PITRM1: variants seen among roughly 807,000 people sequenced by gnomAD.
The protein encoded by PITRM1 is presequence protease, mitochondrial.
A neutral mutation model predicts 129.9 loss-of-function variants in PITRM1; 100 were observed. The observed-to-expected ratio is 0.77, with a 90% CI of 0.65 to 0.91. The LOEUF is 0.91. Ranked by LOEUF, PITRM1 falls within the 40% of genes least tolerant of loss-of-function variation. The pLI, the probability that PITRM1 is intolerant of heterozygous loss-of-function variation, is 0.00. For missense variants in PITRM1, 1,471 were observed against 1,318.3 expected, an observed-to-expected ratio of 1.12 and a Z score of -1.79; for synonymous variants, 591 against 508.8, an observed-to-expected ratio of 1.16 and a Z score of -2.17.
intron 23 of PITRM1, chr10:3,141,863 G>A (rs926407431): frequency 3.0e-5 from 7 of 231,612 alleles, no homozygotes; most frequent in African/African-American, 1.2e-4. Context: ...GAAACCCAGC[G>A]CCACTCGGGT....
chr10:3,170,958 C>T (rs374265411), intron 1 of PITRM1, among the ~76,000 whole-genome samples: 143 of 150,706 alleles, frequency 9.5e-4, no homozygotes, highest in African/African-American at 2.6e-3. Context: ...GCAAGACTGT[C>T]GGAAAAAAAA....
At position 3,138,267 on chromosome 10, in the gene PITRM1, G is replaced by C. The variant is rs552902437; in HGVS notation, c.2988C>G (p.Val996=). 5.6e-6 allele frequency: 9 copies of C among 1,613,804 alleles called. No individual in the cohort carries two copies. In the South Asian group the frequency reaches 9.9e-5, roughly 18 times the overall value. ...TCACGGCCAGGAGCTTGTCGTGGCT[G>C]ACAGCAAAGAGCTGCTCTCTGTGGG... ...KQAHREQLFA[V]SHDKLLAVSD... Residue 996 remains valine (V), a synonymous_variant, in exon 26 of 27, where the codon GTC becomes GTG. Transcript: ENST00000224949.
intron 1 of PITRM1, among the ~76,000 whole-genome samples, chr10:3,170,849 G>C (rs551610983): frequency 6.6e-6 from 1 of 152,196 alleles, no homozygotes; most frequent in South Asian, 2.1e-4. Context: ...TGTAGTCCCA[G>C]ATACTTGGGA....
chr10:3,145,696 G>A lies in PITRM1; in HGVS notation c.2357C>T (p.Pro786Leu), dbSNP rs1160985828. 6.4e-6 allele frequency: 10 copies of A among 1,550,624 alleles called. No individual in the cohort carries two copies. The highest frequency in any genetic ancestry group is 4.8e-5 in the South Asian group (4 of 84,086). ...TTTTTCTGTCTGAGGCATCTGCTGA[G>A]GAGTCGCATTCACTGAACACCTGTT... ...DNMRCSVNAT[P>L]QQMPQTEKAV... Residue 786 changes from proline (P) to leucine (L), a missense_variant, in exon 21 of 27, where the codon CCT (proline) becomes CTT (leucine). Physicochemically the swap from Pro to Leu is moderately conservative, Grantham distance 98. Coordinates refer to ENST00000224949, the MANE Select transcript of PITRM1 (RefSeq NM_014889.4).
intron 9 of PITRM1, 25 bp downstream of exon 9, chr10:3,159,823 A>G: frequency 7.2e-7 from 1 of 1,387,688 alleles, no homozygotes; most frequent in East Asian, 2.3e-5. Context: ...TTTGTCTTGT[A>G]TGAGCTTTGA....
intron 4 of PITRM1, among the ~76,000 whole-genome samples, chr10:3,165,853 C>T (rs1312304779): frequency 1.3e-5 from 2 of 152,190 alleles, no homozygotes; most frequent in African/African-American, 2.4e-5. Context: ...GGATTTAACC[C>T]GCTCTTCAAT....
intron 21 of PITRM1, chr10:3,145,253 G>A: frequency 4.0e-6 from 1 of 250,482 alleles, no homozygotes. Context: ...ATGGATTCAT[G>A]AGTCAAAGAA....
At position 3,137,882 on chromosome 10, in the gene PITRM1, AGATCT is replaced by A; in HGVS notation, c.*144_*148del. The A allele has an allele frequency of 1.7e-6, 1 of 605,986 alleles. No homozygotes were observed. Among genetic ancestry groups the A allele is most frequent in the Admixed American group, 2.9e-5 (1 of 34,568 alleles). 37.5% of individuals were successfully genotyped at this position (605,986 alleles called of 1,614,324 possible). On this transcript the variant is annotated 3_prime_UTR_variant, in exon 27 of 27. Transcript: ENST00000224949. ...ACCTCTTCCTGGTCACTCTTAAGATAGATCTGAGTTTTTGACTCGCCAGTCAAGGG... is the reference window on the plus strand; with the variant it reads ...ACCTCTTCCTGGTCACTCTTAAGATAGAGTTTTTGACTCGCCAGTCAAGGG...
intron 2 of PITRM1, among the ~76,000 whole-genome samples, chr10:3,168,896 A>G (rs1208049666): frequency 1.7e-5 from 2 of 119,618 alleles, no homozygotes; most frequent in African/African-American, 3.1e-5. Flanking sequence ...AGACCAGTCT[A>G]GGCAACAAAG....
intron 2 of PITRM1, among the ~76,000 whole-genome samples, chr10:3,167,286 AGCGAGC>A (rs1362606078): frequency 4.2e-5 from 3 of 72,246 alleles, no homozygotes; most frequent in African/African-American, 1.1e-4. Flanking sequence ...AGAGAGAGAG[AGCGAGC>A]GAGCGAGCGA....
Position 3,148,231 on chromosome 10 carries a change from TC to T in PITRM1, c.1931del (p.Gly644GlufsTer3). ...GCACGTGGGGAGAAGCACTCATCCC[TC>T]CGGTCTTCAATTCTATCTGCTGAGC... ...EQAQQIELKT[G>X]GMSASPHVLP... is the part of the protein sequence containing the mutation. On this transcript the variant is annotated frameshift_variant, in exon 17 of 27. Transcript: ENST00000224949. LOFTEE classifies it high-confidence loss of function. 1 of 1,613,998 alleles carries T rather than the reference TC, an allele frequency of 6.2e-7. No individual in the cohort carries two copies. The highest frequency in any genetic ancestry group is 8.5e-7 in the Non-Finnish European group (1 of 1,179,878).
At chr10:3,147,852 G>A in intron 18 of PITRM1, 115 bp from the exon 19 acceptor site, 1 of 1,191,726 alleles carries the variant, frequency 8.4e-7, no homozygotes, top group South Asian at 1.4e-5. Flanking sequence ...AATTTTATAA[G>A]TCCATATGAA....
At chr10:3,168,290 G>T (rs1443550225) in intron 2 of PITRM1, among the ~76,000 whole-genome samples, 1 of 152,218 alleles carries the variant, frequency 6.6e-6, no homozygotes, top group Non-Finnish European at 1.5e-5. Context: ...ACTGTACTTT[G>T]TAACAGATGA....
At chr10:3,170,326 G>T in intron 1 of PITRM1, 120 bp from the exon 2 acceptor site, 1 of 689,144 alleles carries the variant, frequency 1.5e-6, no homozygotes, top group Non-Finnish European at 2.4e-6. Context: ...ATTAAATATT[G>T]CATCTTCCAA....
Position 3,158,155 on chromosome 10 carries a change from T to A in PITRM1, c.1137-2A>T. 1 of 1,548,250 alleles carries A rather than the reference T, an allele frequency of 6.5e-7. No homozygotes were observed. Among genetic ancestry groups the A allele is most frequent in the Non-Finnish European group, 8.9e-7 (1 of 1,125,394 alleles). ...GCCTCCCTCGTGTAGCCATTATATC[T>A]AGAAGACAAAACCAGAAATGATGCA... On this transcript the variant is annotated splice_acceptor_variant, in intron 10 of 26. Coordinates refer to ENST00000224949, the MANE Select transcript of PITRM1 (RefSeq NM_014889.4). LOFTEE classifies it high-confidence loss of function.
At position 3,166,250 on chromosome 10, in the gene PITRM1, T is replaced by C. The variant is rs755532253; in HGVS notation, c.397A>G (p.Thr133Ala). The change falls in exon 4 of 27, where the codon ACG becomes GCG. Residue 133 changes from threonine to alanine, a missense_variant. Coordinates refer to ENST00000224949, the MANE Select transcript of PITRM1 (RefSeq NM_014889.4). The stretch of plus-strand genomic sequence containing the variant: ...TTACCTGTGAAGGCGTTCATGAACG[T>C]GGAGAGGGACCGGTTCAACATTTTG... ...FFKMLNRSLS[T>A]FMNAFTASDY... is the part of the protein sequence containing the mutation. 1 of 1,612,740 alleles carries C rather than the reference T, an allele frequency of 6.2e-7. No individual in the cohort carries two copies. The highest frequency in any genetic ancestry group is 8.5e-7 in the Non-Finnish European group (1 of 1,179,440).
chr10:3,143,510 C>T lies in PITRM1; in HGVS notation c.2533-9G>A, dbSNP rs370393251. 96 of 1,584,166 alleles carry T rather than the reference C, an allele frequency of 6.1e-5. No individual in the cohort carries two copies. Among genetic ancestry groups the T allele is most frequent in the Admixed American group, 2.5e-4 (15 of 59,966 alleles). ...GGCTTGAAGGTGGGTTCCTGAGGGA[C>T]ACGGTATGGTCAGAGGCGGCTGTGC... On this transcript the variant is annotated splice_polypyrimidine_tract_variant and intron_variant, in intron 22 of 26. Transcript: ENST00000224949.
At position 3,139,029 on chromosome 10, in the gene PITRM1, GTC is replaced by G. The variant is rs748376641; in HGVS notation, c.2790_2791del (p.Glu930AspfsTer13). On this transcript the variant is annotated frameshift_variant, in exon 25 of 27. Coordinates refer to ENST00000224949, the MANE Select transcript of PITRM1 (RefSeq NM_014889.4). LOFTEE classifies it high-confidence loss of function. ...GACAGCCTTCCCAAAAGACTGGAGC[GTC>G]TCTATTGTATTTGGGTCCCTAGGAA... 2 of 1,613,814 alleles carry G rather than the reference GTC, an allele frequency of 1.2e-6. No homozygotes were observed. The highest frequency in any genetic ancestry group is 3.3e-5 in the Admixed American group (2 of 60,022).
At chr10:3,149,117 T>C (rs1255767614) in intron 16 of PITRM1, 1 of 152,886 alleles carries the variant, frequency 6.5e-6, no homozygotes, top group Non-Finnish European at 1.5e-5. Context: ...CCCACAGCCC[T>C]GTCTACTGCT....
Sources: gnomAD v4.1 joint callset for allele counts (sites outside exome capture counted in the v4.1 genomes callset) on GRCh38, gnomAD v4.1.1 for gene constraint, MANE v1.5 for transcripts, NCBI Gene and HGNC (gene_info 2026-07-23, HGNC 2026-07-21) for gene names.